HINT3: variants seen among roughly 807,000 people sequenced by gnomAD.
HINT3 encodes the protein histidine triad nucleotide binding protein 3.
A neutral mutation model predicts 19.1 loss-of-function variants in HINT3; 16 were observed. That is an observed-to-expected ratio of 0.84 (90% CI 0.57 to 1.27). The LOEUF (loss-of-function observed/expected upper bound fraction) is 1.27. Ranked by LOEUF, HINT3 falls within the 50% of genes most tolerant of loss-of-function variation. The pLI is 0.00. For missense variants in HINT3, 197 were observed against 225.8 expected (o/e 0.87, Z 0.82); for synonymous variants, 75 against 84.8 (o/e 0.88, Z 0.63).
In HINT3 at chr6:125,974,910, A is replaced by G; in HGVS notation, c.453A>G (p.Pro151=). 1 of 1,613,988 alleles carries G rather than the reference A, an allele frequency of 6.2e-7. No individual in the cohort carries two copies. Among genetic ancestry groups the G allele is most frequent in the Non-Finnish European group, 8.5e-7 (1 of 1,179,868 alleles). Residue 151 remains proline, a synonymous_variant, in exon 4 of 5, where the codon CCA becomes CCG. Coordinates refer to ENST00000229633, the MANE Select transcript of HINT3 (RefSeq NM_138571.5). ...ACTTGCACCTTCATGTTCTGGCACCAGTGGATCAGCTTGGCTTCTTATCCA... is the reference window on the plus strand; with the variant it reads ...ACTTGCACCTTCATGTTCTGGCACCGGTGGATCAGCTTGGCTTCTTATCCA... ...ISHLHLHVLA[P]VDQLGFLSKL... is the part of the protein sequence containing the mutation.
rs1562211983 is a variant in HINT3 at position 125,962,177 on chromosome 6, T to TACAC, written c.202-4709_202-4708insCACA. On this transcript the variant is annotated intron_variant, in intron 1 of 4. Transcript: ENST00000229633. ...ATATATATACACATATATATATATA[T>TACAC]ATATATATACACATATATATATATA... 1.9e-4 allele frequency among the ~76,000 whole-genome samples: 9 copies of TACAC among 46,374 alleles called. 3 individuals carry two copies. Among genetic ancestry groups the TACAC allele is most frequent in the African/African-American group, 6.2e-4 (5 of 8,096 alleles). 30.4% of individuals were successfully genotyped at this position (46,374 alleles called of 152,430 possible).
rs182136526 is a variant in HINT3, at chr6:125,967,880, C to G, written c.319+876C>G. Among the ~76,000 whole-genome samples the G allele has an allele frequency of 3.9e-3, 587 of 152,234 alleles. 4 individuals carry two copies. The highest frequency in any genetic ancestry group is 6.8e-3 in the Middle Eastern group (2 of 294). On this transcript the variant is annotated intron_variant, in intron 2 of 4. Transcript: ENST00000229633. ...GAATCTTGTCTATTAAGGATGATTG[C>G]TCATTTTCCTACTCATGCCTTCTGT... is the stretch of plus-strand genomic sequence containing the variant.
At chr6:125,972,762 A>T (rs1472088836) in intron 3 of HINT3, among the ~76,000 whole-genome samples, 3 of 151,930 alleles carry the variant, frequency 2.0e-5, no homozygotes, top group Non-Finnish European at 2.9e-5. Flanking sequence ...TAATTTTAAA[A>T]TTTTTTAGGT....
rs946238436 is a variant in HINT3, at chr6:125,966,884, T to A, written c.202-3T>A. ...ATTCACTAACAAATGTTTTTTCCTT[T>A]AGAATGAGGACCTAATTTGCTTCAA... On this transcript the variant is annotated splice_region_variant and splice_polypyrimidine_tract_variant and intron_variant, in intron 1 of 4. Transcript: ENST00000229633. The A allele has an allele frequency of 2.5e-6, 4 of 1,591,554 alleles. No individual in the cohort carries two copies. The African/African-American group carries it at 5.4e-5, about 21-fold the overall frequency.
chr6:125,961,339 GT>G (rs1366719668), intron 1 of HINT3, among the ~76,000 whole-genome samples: 6 of 152,172 alleles, frequency 3.9e-5, no homozygotes, highest in African/African-American at 1.4e-4. Flanking sequence ...CAAACAATCA[GT>G]TTTGCAGCAG....
chr6:125,961,401 T>A (rs568588139), intron 1 of HINT3, among the ~76,000 whole-genome samples: 1 of 152,280 alleles, frequency 6.6e-6, no homozygotes, highest in South Asian at 2.1e-4. Flanking sequence ...TACCTGATGA[T>A]AGCATCAGAT....
At chr6:125,966,112 T>C (rs193096584) in intron 1 of HINT3, among the ~76,000 whole-genome samples, 245 of 152,346 alleles carry the variant, frequency 1.6e-3, no homozygotes, top group Middle Eastern at 6.8e-3. Flanking sequence ...TATAAGATAC[T>C]GAATAAGATA....
intron 3 of HINT3, among the ~76,000 whole-genome samples, chr6:125,973,562 A>G (rs144872825): frequency 2.6e-3 from 389 of 152,250 alleles, no homozygotes; most frequent in African/African-American, 8.7e-3. Flanking sequence ...CACTGTCTGT[A>G]TTAGTTTAGA....
Position 125,957,044 on chromosome 6 carries a change from G to A in HINT3, c.67G>A (p.Glu23Lys). 1 of 1,550,808 alleles carries A rather than the reference G, an allele frequency of 6.4e-7. No homozygotes were observed. The highest frequency in any genetic ancestry group is 1.2e-5 in the South Asian group (1 of 84,066). The change falls in exon 1 of 5, where the codon GAA (glutamate) becomes AAA (lysine). Residue 23 changes from glutamate (E) to lysine (K), a missense_variant. Physicochemically the swap from Glu to Lys is moderately conservative, Grantham distance 56 (BLOSUM62 1). Coordinates refer to ENST00000229633, the MANE Select transcript of HINT3 (RefSeq NM_138571.5). ...CGACTGTGAGGCCTCGGCGACTGCAGAAACTACGGTTTCCTCAGTGGGGAC... is the reference window on the plus strand; with the variant it reads ...CGACTGTGAGGCCTCGGCGACTGCAAAAACTACGGTTTCCTCAGTGGGGAC... ...APDCEASATA[E>K]TTVSSVGTCE...
chr6:125,960,655 T>TTTGGGGG (rs1554209586), intron 1 of HINT3, among the ~76,000 whole-genome samples: 1 of 76,212 alleles, frequency 1.3e-5, no homozygotes. Context: ...AGACTCTCTC[T>TTTGGGGG]GGGGGGGGGG....
chr6:125,975,584 G>GTTTTTT (rs397694163), intron 4 of HINT3, among the ~76,000 whole-genome samples: 2 of 145,154 alleles, frequency 1.4e-5, no homozygotes, highest in African/African-American at 5.1e-5. Flanking sequence ...CTGAAGAGTT[G>GTTTTTT]TTTTTTTTTT....
At chr6:125,968,407 C>G (rs1379864095) in intron 2 of HINT3, among the ~76,000 whole-genome samples, 1 of 152,140 alleles carries the variant, frequency 6.6e-6, no homozygotes, top group East Asian at 1.9e-4. Flanking sequence ...TTTATCTAGT[C>G]TACTGCTGAT....
rs1384347039 is a variant in HINT3, at chr6:125,978,753, C to G, written c.*1077C>G. On this transcript the variant is annotated 3_prime_UTR_variant, in exon 5 of 5. Coordinates refer to ENST00000229633, the MANE Select transcript of HINT3 (RefSeq NM_138571.5). ...GAAAATAGGCTGAGATACTAGTTTT[C>G]TTTCTTTTTTAGAGGGGGCATGATA... is the stretch of plus-strand genomic sequence containing the variant. The G allele has an allele frequency of 1.3e-5, 2 of 152,082 alleles. No homozygotes were observed. Among genetic ancestry groups the G allele is most frequent in the Admixed American group, 1.3e-4 (2 of 15,266 alleles). The allele number at this position is 152,082 out of a possible 1,614,324, so 9.4% of individuals were successfully genotyped here.
chr6:125,964,307 TA>T (rs1788986174), intron 1 of HINT3, among the ~76,000 whole-genome samples: 1 of 152,210 alleles, frequency 6.6e-6, no homozygotes, highest in African/African-American at 2.4e-5. Flanking sequence ...GTATACATGT[TA>T]AATATTTACA....
rs1234622511 is a variant in HINT3, at chr6:125,978,002, TAGTC to T, written c.*330_*333del. 24 of 189,028 alleles carry T rather than the reference TAGTC, an allele frequency of 1.3e-4. No homozygotes were observed. The East Asian group carries it at 2.2e-3, about 17-fold the overall frequency. 11.7% of individuals were successfully genotyped at this position (189,028 alleles called of 1,614,324 possible). A position where few individuals can be genotyped will look rare whatever the true frequency, so the allele number is the denominator to read the frequency against. Reference sequence around the variant, plus strand: ...TAAAATATTTTCATTTCTCAGTAAGTAGTCAGTTATAATAGTGATTTATTTATGA... The same window carrying T: ...TAAAATATTTTCATTTCTCAGTAAGTAGTTATAATAGTGATTTATTTATGA... On this transcript the variant is annotated 3_prime_UTR_variant, in exon 5 of 5. Coordinates refer to ENST00000229633, the MANE Select transcript of HINT3 (RefSeq NM_138571.5).
rs1409983196 is a variant in HINT3 at position 125,962,151 on chromosome 6, TATATATATACAC to T, written c.202-4726_202-4715del. ...GCCAGGAATCGTGGATGGAAACCCATATATATATACACATATATATATATATATATATATACA... is the reference window on the plus strand; with the variant it reads ...GCCAGGAATCGTGGATGGAAACCCATATATATATATATATATATATATACA... On this transcript the variant is annotated intron_variant, in intron 1 of 4. Coordinates refer to ENST00000229633, the MANE Select transcript of HINT3 (RefSeq NM_138571.5). Among the ~76,000 whole-genome samples, 4 of 68,028 alleles carry T rather than the reference TATATATATACAC, an allele frequency of 5.9e-5. 1 individual carries two copies. Among genetic ancestry groups the T allele is most frequent in the East Asian group, 4.3e-4 (1 of 2,330 alleles). 44.6% of individuals were successfully genotyped at this position (68,028 alleles called of 152,430 possible). A position where few individuals can be genotyped will look rare whatever the true frequency, so the allele number is the denominator to read the frequency against.
At chr6:125,969,628 G>A (rs1349176154) in intron 2 of HINT3, among the ~76,000 whole-genome samples, 1 of 152,066 alleles carries the variant, frequency 6.6e-6, no homozygotes, top group Non-Finnish European at 1.5e-5. Context: ...AGCATAGAAT[G>A]TTTTTTCATT....
At chr6:125,964,372 C>T (rs1329748901) in intron 1 of HINT3, among the ~76,000 whole-genome samples, 3 of 148,128 alleles carry the variant, frequency 2.0e-5, no homozygotes, top group Non-Finnish European at 4.4e-5. Flanking sequence ...ATCTAGCATC[C>T]ATTCTCTTGT....
At chr6:125,976,773 G>GA (rs1005669199) in intron 4 of HINT3, among the ~76,000 whole-genome samples, 4 of 151,698 alleles carry the variant, frequency 2.6e-5, no homozygotes, top group African/African-American at 9.7e-5. Context: ...ATGAGACTTT[G>GA]AAAAAAATCA....
Sources: gnomAD v4.1 joint callset for allele counts (sites outside exome capture counted in the v4.1 genomes callset) on GRCh38, gnomAD v4.1.1 for gene constraint, MANE v1.5 for transcripts, NCBI Gene and HGNC (gene_info 2026-07-23, HGNC 2026-07-21) for gene names.